SLCO3A1: variants seen among roughly 807,000 people sequenced by gnomAD.
The protein encoded by SLCO3A1 is solute carrier organic anion transporter family member 3A1.
A neutral mutation model predicts 63.1 loss-of-function variants in SLCO3A1; 27 were observed. The ratio of observed to expected loss-of-function variants is 0.43; its 90% CI spans 0.32 to 0.59. SLCO3A1 has a LOEUF of 0.59. Among genes scored for constraint, SLCO3A1 ranks in the 20% least tolerant of loss-of-function variants. The probability of loss-of-function intolerance (pLI) is 0.09; values close to 1 mark genes in which losing one functional copy is unlikely to be tolerated. For synonymous variants in SLCO3A1, 473 were observed against 409.9 expected (o/e 1.15, Z -1.86); for missense variants, 773 against 945.8 (o/e 0.82, Z 2.40).
rs967723424 is a variant in SLCO3A1 at position 91,860,539 on chromosome 15, T to G, written c.180+6451T>G. Among the ~76,000 whole-genome samples, 2 of 152,162 alleles carry G rather than the reference T, an allele frequency of 1.3e-5. No individual in the cohort carries two copies. The highest frequency in any genetic ancestry group is 2.9e-5 in the Non-Finnish European group (2 of 68,022). ...AAGTCCCTCCCAGGGAGCTGAGGATTTGGAATATTGTGTGAGGCCAAGGCT... is the reference window on the plus strand; with the variant it reads ...AAGTCCCTCCCAGGGAGCTGAGGATGTGGAATATTGTGTGAGGCCAAGGCT... On this transcript the variant is annotated intron_variant, in intron 1 of 9. Transcript: ENST00000318445. The surrounding 1 kb of genome is among the most constrained non-coding windows in gnomAD (Gnocchi z 5.5).
rs772866234 is a variant in SLCO3A1, at chr15:91,916,139, C to T, written c.327C>T (p.Ile109=). The T allele has an allele frequency of 4.4e-6, 7 of 1,608,624 alleles. No homozygotes were observed. The highest frequency in any genetic ancestry group is 1.3e-5 in the African/African-American group (1 of 74,870). The change falls in exon 2 of 10, where the codon ATC becomes ATT. Residue 109 remains isoleucine, a synonymous_variant. Transcript: ENST00000318445. The surrounding 1 kb of genome is among the most constrained non-coding windows in gnomAD (Gnocchi z 6.2). ...CACGCGGGCACCGGCCGCGCCTGAT[C>T]GGCTGCGGCGGCATCGTCATGGCGC... ...FGARGHRPRL[I]GCGGIVMALG...
chr15:91,908,832 G>A (rs1898392966), intron 1 of SLCO3A1: 1 of 151,698 alleles, frequency 6.6e-6, no homozygotes, highest in South Asian at 2.1e-4. Context: ...AGGCCGAGGT[G>A]GGCGGATCAC....
At chr15:91,983,334 GAATT>G (rs2151438058) in intron 2 of SLCO3A1, among the ~76,000 whole-genome samples, 1 of 152,170 alleles carries the variant, frequency 6.6e-6, no homozygotes, top group East Asian at 1.9e-4. Flanking sequence ...ATGACCCTGA[GAATT>G]ACCCGAGTGG....
At chr15:92,094,032 G>T (rs1252784140) in intron 2 of SLCO3A1, among the ~76,000 whole-genome samples, 3 of 152,142 alleles carry the variant, frequency 2.0e-5, no homozygotes, top group Non-Finnish European at 2.9e-5. Flanking sequence ...TGCCTCCAGG[G>T]CCTGGAGAAC....
intron 2 of SLCO3A1, among the ~76,000 whole-genome samples, chr15:92,021,251 T>C (rs2046505917): frequency 6.6e-6 from 1 of 152,182 alleles, no homozygotes; most frequent in African/African-American, 2.4e-5. Context: ...ACTTACTCTT[T>C]TAAGAAAGCA....
chr15:92,055,174 G>A (rs2047006693), intron 2 of SLCO3A1, among the ~76,000 whole-genome samples: 1 of 152,026 alleles, frequency 6.6e-6, no homozygotes, highest in South Asian at 2.1e-4. Context: ...TCTCATTGTG[G>A]TTTTGATTTG....
intron 2 of SLCO3A1, among the ~76,000 whole-genome samples, chr15:92,041,457 C>G (rs2046795360): frequency 6.6e-6 from 1 of 152,130 alleles, no homozygotes; most frequent in South Asian, 2.1e-4. Context: ...TAATATACAG[C>G]AGAAGACTAA....
intron 2 of SLCO3A1, among the ~76,000 whole-genome samples, chr15:91,955,962 C>G (rs185826505): frequency 6.6e-6 from 1 of 152,164 alleles, no homozygotes; most frequent in African/African-American, 2.4e-5. Context: ...ATTGTTTTTA[C>G]TATTATTACT....
At chr15:92,002,454 C>T (rs2046266856) in intron 2 of SLCO3A1, among the ~76,000 whole-genome samples, 1 of 152,160 alleles carries the variant, frequency 6.6e-6, no homozygotes, top group Non-Finnish European at 1.5e-5. Flanking sequence ...CCATAAGGCC[C>T]AGGTGATGAA....
chr15:91,887,818 C>A (rs548258976), intron 1 of SLCO3A1, among the ~76,000 whole-genome samples: 1 of 152,202 alleles, frequency 6.6e-6, no homozygotes, highest in Non-Finnish European at 1.5e-5. Flanking sequence ...AATTACTTAA[C>A]CTCTCTGAAC....
chr15:91,931,879 C>T (rs1316254291), intron 2 of SLCO3A1, among the ~76,000 whole-genome samples: 1 of 151,814 alleles, frequency 6.6e-6, no homozygotes, highest in African/African-American at 2.4e-5. Flanking sequence ...ACACAAAAGC[C>T]AAGCATGTTC....
At chr15:92,011,660 A>G (rs1017543258) in intron 2 of SLCO3A1, among the ~76,000 whole-genome samples, 3 of 152,004 alleles carry the variant, frequency 2.0e-5, no homozygotes, top group African/African-American at 7.3e-5. Flanking sequence ...CCTGTGATGT[A>G]TTTATATTGT....
intron 7 of SLCO3A1, among the ~76,000 whole-genome samples, chr15:92,141,117 A>G (rs1485674241): frequency 1.3e-5 from 2 of 152,144 alleles, no homozygotes; most frequent in Non-Finnish European, 2.9e-5. Context: ...GTGTCATGGT[A>G]CATTTTATTG....
chr15:92,052,336 A>G (rs2046967876), intron 2 of SLCO3A1, among the ~76,000 whole-genome samples: 1 of 152,142 alleles, frequency 6.6e-6, no homozygotes. Context: ...ACCTGGAGAC[A>G]CTGGAAGACA....
At chr15:91,949,673 G>A (rs1420770764) in intron 2 of SLCO3A1, among the ~76,000 whole-genome samples, 1 of 151,982 alleles carries the variant, frequency 6.6e-6, no homozygotes, top group Non-Finnish European at 1.5e-5. Context: ...GCGTGGTTCT[G>A]GGCAGCTGTG....
chr15:92,079,818 A>T (rs562537145), intron 2 of SLCO3A1, among the ~76,000 whole-genome samples: 15 of 152,344 alleles, frequency 9.8e-5, no homozygotes, highest in South Asian at 6.2e-4. Flanking sequence ...CCTGAACTAG[A>T]CACAAGGTCC....
At chr15:92,045,424 A>G (rs1016452158) in intron 2 of SLCO3A1, among the ~76,000 whole-genome samples, 2 of 152,318 alleles carry the variant, frequency 1.3e-5, no homozygotes, top group East Asian at 1.9e-4. Flanking sequence ...TGGATCCTTC[A>G]AAGAAATAAA....
intron 2 of SLCO3A1, among the ~76,000 whole-genome samples, chr15:92,018,956 T>G (rs576906563): frequency 1.1e-3 from 162 of 152,160 alleles, no homozygotes; most frequent in African/African-American, 3.8e-3. Flanking sequence ...TATGGGGAAT[T>G]TTTTTCCCCC....
At chr15:92,147,184 T>A (rs773070346) in intron 8 of SLCO3A1, 25 bp downstream of exon 8, 1 of 1,592,366 alleles carries the variant, frequency 6.3e-7, no homozygotes. Flanking sequence ...CAGCCCCGCC[T>A]CTCCTCCTTT....
Sources: gnomAD v4.1 joint callset for allele counts (sites outside exome capture counted in the v4.1 genomes callset) on GRCh38, gnomAD v4.1.1 for gene constraint, Gnocchi (gnomAD v3.1) non-coding constraint, MANE v1.5 for transcripts, NCBI Gene and HGNC (gene_info 2026-07-23, HGNC 2026-07-21) for gene names.